Variants in GPM6B observed in about 807,000 individuals in gnomAD.
GPM6B encodes neuronal membrane glycoprotein M6-b.
A neutral mutation model predicts 27.2 loss-of-function variants in GPM6B; 4 were observed. That is an observed-to-expected ratio of 0.15 (90% confidence interval 0.07 to 0.34). The LOEUF is 0.34. Among genes scored for constraint, GPM6B ranks in the 10% least tolerant of loss-of-function variants. The probability of loss-of-function intolerance (pLI) is 1.00; values close to 1 mark genes in which losing one functional copy is unlikely to be tolerated. For synonymous variants in GPM6B, 124 were observed against 103.1 expected (o/e 1.20, Z -1.23); for missense variants, 183 against 261.9 (o/e 0.70, Z 2.08).
At chrX:13,836,740 C>G (rs1271794385) in intron 1 of GPM6B, among the ~76,000 whole-genome samples, 1 of 112,592 alleles carries the variant, frequency 8.9e-6, no homozygotes, top group Non-Finnish European at 1.9e-5. Flanking sequence ...CTATACAGAA[C>G]ACACTACGTG....
chrX:13,886,190 G>A (rs1156384957), intron 1 of GPM6B, among the ~76,000 whole-genome samples: 2 of 111,640 alleles, frequency 1.8e-5, no homozygotes, highest in Non-Finnish European at 3.8e-5. Context: ...CATATGCAGG[G>A]ATGCAAATGT....
chrX:13,881,444 T>C (rs2050096791), intron 1 of GPM6B, among the ~76,000 whole-genome samples: 1 of 109,583 alleles, frequency 9.1e-6, no homozygotes, highest in Non-Finnish European at 1.9e-5. Context: ...CCCAGGAAAC[T>C]GAGGCTGCAG....
chrX:13,772,781 T>A lies in GPM6B; in HGVS notation c.*100A>T, dbSNP rs1437389139. 5.1e-6 allele frequency: 4 copies of A among 787,330 alleles called. No homozygotes were observed. The African/African-American group carries it at 8.1e-5, about 16-fold the overall frequency. The allele number at this position is 787,330 out of a possible 1,213,427, so 64.9% of individuals were successfully genotyped here. A position where few individuals can be genotyped will look rare whatever the true frequency, so the allele number is the denominator to read the frequency against. ...AGACAGACAGTGAAGTGTTTGTACA[T>A]CTACATTAGTTTGGTGGGATACACA... On this transcript the variant is annotated 3_prime_UTR_variant, in exon 8 of 8. Transcript: ENST00000316715.
chrX:13,858,169 G>C lies in GPM6B; in HGVS notation c.-197-72361C>G, dbSNP rs1229601681. 3.6e-5 allele frequency among the ~76,000 whole-genome samples: 4 copies of C among 111,921 alleles called. No individual in the cohort carries two copies. In the East Asian group the frequency reaches 1.1e-3, roughly 31 times the overall value. On this transcript the variant is annotated intron_variant, in intron 1 of 6. Coordinates refer to the GPM6B transcript ENST00000398361. Reference sequence around the variant, plus strand: ...GGCATCCTACTGCTTCAGTTCTCTTGGAAACAACAACAAAAATCCTACTTC... The same window carrying C: ...GGCATCCTACTGCTTCAGTTCTCTTCGAAACAACAACAAAAATCCTACTTC...
At chrX:13,852,671 T>C (rs762654321) in intron 1 of GPM6B, among the ~76,000 whole-genome samples, 36 of 111,477 alleles carry the variant, frequency 3.2e-4, no homozygotes, top group Non-Finnish European at 5.8e-4. Context: ...TCATTCCTAG[T>C]GTGAATGTAC....
chrX:13,860,662 G>C (rs779688180), intron 1 of GPM6B, among the ~76,000 whole-genome samples: 12 of 109,626 alleles, frequency 1.1e-4, no homozygotes, highest in Non-Finnish European at 5.7e-5. Flanking sequence ...AGGTTTTTGG[G>C]GAACAGGTAG....
chrX:13,811,802 A>G (rs1452325275), intron 1 of GPM6B, among the ~76,000 whole-genome samples: 1 of 111,986 alleles, frequency 8.9e-6, no homozygotes, highest in Non-Finnish European at 1.9e-5. Context: ...ATAGGAAATT[A>G]TTACATTTTC....
intron 1 of GPM6B, among the ~76,000 whole-genome samples, chrX:13,842,974 T>C (rs1244042811): frequency 4.5e-5 from 5 of 111,573 alleles, no homozygotes; most frequent in African/African-American, 1.6e-4. Context: ...TGTACAATTT[T>C]TAATATATTC....
At chrX:13,928,942 TG>T (rs1158359230) in intron 1 of GPM6B, among the ~76,000 whole-genome samples, 1 of 111,979 alleles carries the variant, frequency 8.9e-6, no homozygotes, top group Non-Finnish European at 1.9e-5. Context: ...CAGAGATCAA[TG>T]GCTATAGAAA....
At chrX:13,872,237 T>A (rs2147000259) in intron 1 of GPM6B, among the ~76,000 whole-genome samples, 1 of 104,106 alleles carries the variant, frequency 9.6e-6, no homozygotes, top group South Asian at 4.7e-4. Flanking sequence ...AGTGGCGTGA[T>A]TTTAGCTCAC....
chrX:13,851,092 G>C (rs936957756), intron 1 of GPM6B, among the ~76,000 whole-genome samples: 1 of 104,565 alleles, frequency 9.6e-6, no homozygotes, highest in African/African-American at 3.5e-5. Flanking sequence ...GAACCCAGGA[G>C]GCAGAGGCTG....
At chrX:13,783,907 A>G (rs1325252435) in intron 3 of GPM6B, 1 of 330,848 alleles carries the variant, frequency 3.0e-6, no homozygotes, top group Admixed American at 3.2e-5. Flanking sequence ...CCCTGGCCCA[A>G]TGGACAACAT....
chrX:13,821,929 G>C (rs1472372848), upstream of GPM6B, among the ~76,000 whole-genome samples: 1 of 111,943 alleles, frequency 8.9e-6, no homozygotes, highest in Non-Finnish European at 1.9e-5. Flanking sequence ...GACTATGACT[G>C]TTCAGCTGAC....
intron 1 of GPM6B, among the ~76,000 whole-genome samples, chrX:13,860,576 TAAG>T (rs1211477958): frequency 1.8e-5 from 2 of 110,911 alleles, no homozygotes; most frequent in Non-Finnish European, 1.9e-5. Context: ...TTGGCAACTG[TAAG>T]AAGATTTTTC....
intron 2 of GPM6B, among the ~76,000 whole-genome samples, chrX:13,805,591 T>C (rs958968151): frequency 8.9e-6 from 1 of 112,475 alleles, no homozygotes; most frequent in Non-Finnish European, 1.9e-5. Flanking sequence ...CTGCCACTGC[T>C]GCTATGAATG....
chrX:13,917,981 G>A (rs2147064410), intron 1 of GPM6B, among the ~76,000 whole-genome samples: 1 of 112,703 alleles, frequency 8.9e-6, no homozygotes, highest in South Asian at 3.7e-4. Flanking sequence ...TCTGAAAATT[G>A]TTAATACAGT....
intron 1 of GPM6B, among the ~76,000 whole-genome samples, chrX:13,833,603 C>T (rs2049464782): frequency 9.4e-6 from 1 of 106,569 alleles, no homozygotes; most frequent in African/African-American, 3.5e-5. Flanking sequence ...TGGTGGCATG[C>T]ACCTGTAGTC....
intron 1 of GPM6B, among the ~76,000 whole-genome samples, chrX:13,893,270 T>TCTC (rs1291490993): frequency 9.0e-6 from 1 of 111,202 alleles, no homozygotes; most frequent in Non-Finnish European, 1.9e-5. Flanking sequence ...GTCTCAGGGA[T>TCTC]CTCCAAGATC....
chrX:13,823,419 A>C (rs1000383607), intron 1 of GPM6B, among the ~76,000 whole-genome samples: 2 of 111,825 alleles, frequency 1.8e-5, no homozygotes, highest in Non-Finnish European at 3.8e-5. Flanking sequence ...CCTCATTAGG[A>C]GCCTCAGGAG....
Sources: gnomAD v4.1 joint callset for allele counts (sites outside exome capture counted in the v4.1 genomes callset) on GRCh38, gnomAD v4.1.1 for gene constraint, MANE v1.5 for transcripts, NCBI Gene and HGNC (gene_info 2026-07-23, HGNC 2026-07-21) for gene names.